The following PDE4D variants were observed in gnomAD, a reference collection of about 807,000 sequenced individuals.
The protein encoded by PDE4D is 3',5'-cyclic-AMP phosphodiesterase 4D.
In PDE4D, 24 loss-of-function variants were observed where a neutral mutation model predicts 87.4. That is an observed-to-expected ratio of 0.27 (90% CI 0.20 to 0.39). The LOEUF (loss-of-function observed/expected upper bound fraction) is 0.39, where lower values mean the gene tolerates loss of function less well. Among genes scored for constraint, PDE4D ranks in the 10% least tolerant of loss-of-function variants. PDE4D has a pLI of 1.00. For synonymous variants in PDE4D, 384 were observed against 383.2 expected (o/e 1.00, Z -0.02); for missense variants, 714 against 1,041.0 (o/e 0.69, Z 4.32).
intron 1 of PDE4D, among the ~76,000 whole-genome samples, chr5:60,367,824 G>A (rs1760687227): frequency 6.6e-6 from 1 of 152,088 alleles, no homozygotes; most frequent in Admixed American, 6.6e-5. Context: ...GACTCTTTTG[G>A]AGGAATCACC....
intron 1 of PDE4D, among the ~76,000 whole-genome samples, chr5:59,409,242 C>T (rs1792238804): frequency 1.3e-5 from 2 of 151,940 alleles, no homozygotes; most frequent in African/African-American, 4.8e-5. Flanking sequence ...ATTTTACAGG[C>T]TCATAAGTGG....
intron 6 of PDE4D, among the ~76,000 whole-genome samples, chr5:59,007,652 T>C (rs1751905787): frequency 6.6e-6 from 1 of 152,154 alleles, no homozygotes; most frequent in South Asian, 2.1e-4. Flanking sequence ...TTGTATTTAC[T>C]GCCCTCTAGT....
In PDE4D at chr5:59,000,454, TCACAGATGG is replaced by T. The variant is rs946454760; in HGVS notation, c.922-6998_922-6990del. ...AAACAATACGACTAATGTCCAGAAT[TCACAGATGG>T]CACAGATGGCAATGACACATTCCCT... On this transcript the variant is annotated intron_variant, in intron 6 of 14. Transcript: ENST00000340635. Among the ~76,000 whole-genome samples, 12 of 152,268 alleles carry T rather than the reference TCACAGATGG, an allele frequency of 7.9e-5. No homozygotes were observed. The East Asian group carries it at 9.7e-4, about 12-fold the overall frequency.
At chr5:59,934,314 G>A (rs1225347597) in intron 3 of PDE4D, among the ~76,000 whole-genome samples, 1 of 152,174 alleles carries the variant, frequency 6.6e-6, no homozygotes, top group Non-Finnish European at 1.5e-5. Context: ...ATTTTTGTGA[G>A]GGTTATGATA....
chr5:59,771,497 GAGAAGAAAGAAAGAAAGAAAGAAAGA>G (rs1433402015), intron 1 of PDE4D, among the ~76,000 whole-genome samples: 5 of 48,936 alleles, frequency 1.0e-4, no homozygotes, highest in African/African-American at 3.7e-4. Context: ...GAGAGAGAGA[GAGAAGAAAGAAAGAAAGAAAGAAAGA>G]AAGAAAGAAA....
intron 1 of PDE4D, among the ~76,000 whole-genome samples, chr5:60,230,381 T>C (rs533826757): frequency 1.3e-3 from 201 of 152,194 alleles, no homozygotes; most frequent in African/African-American, 4.6e-3. Flanking sequence ...CACTGCTACC[T>C]AGACAAAAGT....
At chr5:60,268,346 G>C (rs541557620) in intron 1 of PDE4D, among the ~76,000 whole-genome samples, 1 of 152,314 alleles carries the variant, frequency 6.6e-6, no homozygotes, top group South Asian at 2.1e-4. Context: ...CACTGACTTA[G>C]AAGCCACTCC....
intron 2 of PDE4D, among the ~76,000 whole-genome samples, chr5:60,182,881 GAA>G (rs558346227): frequency 1.0e-4 from 12 of 114,690 alleles, no homozygotes; most frequent in Middle Eastern, 4.3e-3. Flanking sequence ...CTCCGTCTCA[GAA>G]AAAAAAAAAA....
At chr5:59,159,968 T>G (rs1250178217) in intron 5 of PDE4D, among the ~76,000 whole-genome samples, 6 of 152,176 alleles carry the variant, frequency 3.9e-5, no homozygotes, top group Non-Finnish European at 8.8e-5. Flanking sequence ...CATAGATCAT[T>G]AGCTCCTAAG....
chr5:60,148,815 G>C (rs527484852), intron 2 of PDE4D, among the ~76,000 whole-genome samples: 2 of 152,286 alleles, frequency 1.3e-5, no homozygotes, highest in African/African-American at 4.8e-5. Flanking sequence ...GAAATTCAAA[G>C]AGTTTTGAAT....
At chr5:59,104,738 G>A (rs1437906812) in intron 5 of PDE4D, among the ~76,000 whole-genome samples, 2 of 151,928 alleles carry the variant, frequency 1.3e-5, no homozygotes, top group Admixed American at 6.6e-5. Context: ...GAAGGAGAGA[G>A]GAAAAGAAAG....
chr5:59,325,202 G>C (rs1316154096), intron 1 of PDE4D, among the ~76,000 whole-genome samples: 1 of 151,986 alleles, frequency 6.6e-6, no homozygotes, highest in Non-Finnish European at 1.5e-5. Context: ...TCTCAGCTCT[G>C]GTTTTACTTC....
At position 59,553,336 on chromosome 5, in the gene PDE4D, T is replaced by C. The variant is rs115887057; in HGVS notation, c.456-337368A>G. ...ATTTTAGGAGGTGAGAAATAAAGCATCCTCTCTCAAGTTTTTGCCATCCCC... is the reference window on the plus strand; with the variant it reads ...ATTTTAGGAGGTGAGAAATAAAGCACCCTCTCTCAAGTTTTTGCCATCCCC... On this transcript the variant is annotated intron_variant, in intron 1 of 14. Transcript: ENST00000340635. Among the ~76,000 whole-genome samples, 415 of 152,198 alleles carry C rather than the reference T, an allele frequency of 2.7e-3. 1 individual carries two copies. The highest frequency in any genetic ancestry group is 9.6e-3 in the African/African-American group (400 of 41,534).
chr5:59,976,095 A>C (rs1761302113), intron 3 of PDE4D, among the ~76,000 whole-genome samples: 1 of 152,208 alleles, frequency 6.6e-6, no homozygotes, highest in South Asian at 2.1e-4. Context: ...GTATACAGCA[A>C]ATATCAGACT....
intron 1 of PDE4D, among the ~76,000 whole-genome samples, chr5:59,839,090 A>G (rs974946954): frequency 1.3e-5 from 2 of 151,920 alleles, no homozygotes; most frequent in Non-Finnish European, 2.9e-5. Flanking sequence ...TGAACAGCAG[A>G]TGAAACACAC....
chr5:59,489,112 C>G (rs1805710262), intron 1 of PDE4D, among the ~76,000 whole-genome samples: 1 of 151,830 alleles, frequency 6.6e-6, no homozygotes, highest in African/African-American at 2.4e-5. Flanking sequence ...TGGTGAAACC[C>G]CATCTCTACT....
chr5:60,413,201 G>T (rs944073653), intron 1 of PDE4D, among the ~76,000 whole-genome samples: 3 of 152,096 alleles, frequency 2.0e-5, no homozygotes, highest in Admixed American at 6.5e-5. Context: ...GACTACTGTA[G>T]CTTACTTTCA....
At chr5:59,808,716 A>C (rs775511030) in intron 1 of PDE4D, among the ~76,000 whole-genome samples, 4 of 152,170 alleles carry the variant, frequency 2.6e-5, no homozygotes, top group Non-Finnish European at 4.4e-5. Context: ...CCATTCCTTT[A>C]GTATTTTTAC....
At chr5:59,203,454 A>T (rs1430277130) in intron 2 of PDE4D, among the ~76,000 whole-genome samples, 4 of 152,136 alleles carry the variant, frequency 2.6e-5, no homozygotes, top group Non-Finnish European at 5.9e-5. Context: ...TAAGGATAAA[A>T]CTACCATATG....
Sources: allele counts gnomAD v4.1 joint callset (sites outside exome capture counted in the v4.1 genomes callset), GRCh38; gene constraint gnomAD v4.1.1; transcripts MANE v1.5; gene names NCBI Gene and HGNC (gene_info 2026-07-23, HGNC 2026-07-21).